AVEN: variants seen among roughly 807,000 people sequenced by gnomAD.
AVEN encodes cell death regulator Aven.
Under a neutral mutation model 38.1 loss-of-function variants are expected in AVEN, and 41 were observed. The ratio of observed to expected loss-of-function variants is 1.08; its 90% confidence interval spans 0.84 to 1.40. The LOEUF (loss-of-function observed/expected upper bound fraction) is 1.40. Ranked by LOEUF, AVEN falls within the 40% of genes most tolerant of loss-of-function variation. The pLI is 0.00. For synonymous variants in AVEN, 206 were observed against 171.8 expected (o/e 1.20, Z -1.56); for missense variants, 605 against 438.8 (o/e 1.38, Z -3.38).
At chr15:34,073,186 G>T (rs1312112439) in intron 1 of AVEN, among the ~76,000 whole-genome samples, 1 of 148,514 alleles carries the variant, frequency 6.7e-6, no homozygotes, top group Non-Finnish European at 1.5e-5. Context: ...GACTACAGGC[G>T]CCCGCCACCT....
downstream of AVEN, among the ~76,000 whole-genome samples, chr15:33,857,060 C>G (rs1011720391): frequency 1.9e-4 from 29 of 152,310 alleles, no homozygotes; most frequent in African/African-American, 6.7e-4. Flanking sequence ...TGTATCCCTC[C>G]TCACAGCACC....
chr15:33,865,450 C>T (rs1037721049), downstream of AVEN: 10 of 480,068 alleles, frequency 2.1e-5, no homozygotes, highest in Admixed American at 1.1e-4. Context: ...AGAAGGAAGG[C>T]GAAGAATCAA....
At chr15:33,882,733 T>G in intron 2 of AVEN, among the ~76,000 whole-genome samples, 1 of 151,754 alleles carries the variant, frequency 6.6e-6, no homozygotes, top group East Asian at 1.9e-4. Flanking sequence ...AGTACCCAGG[T>G]ACAGTGGCCC....
chr15:34,031,198 G>C (rs1184953399), intron 1 of AVEN, among the ~76,000 whole-genome samples: 1 of 61,280 alleles, frequency 1.6e-5, no homozygotes, highest in Admixed American at 2.4e-4. Flanking sequence ...TTTTGAGACT[G>C]AGTTTTGCTC....
intron 2 of AVEN, among the ~76,000 whole-genome samples, chr15:34,001,019 A>ATT (rs562045179): frequency 0.17 from 23,153 of 136,634 alleles, 2,876 homozygotes; most frequent in African/African-American, 0.34. Flanking sequence ...TTGGACTAGA[A>ATT]TTTTTTTTTT....
chr15:33,997,796 T>G lies in AVEN; in HGVS notation c.445+5236A>C, dbSNP rs534719724. Among the ~76,000 whole-genome samples, 3 of 152,320 alleles carry G rather than the reference T, an allele frequency of 2.0e-5. No individual in the cohort carries two copies. The East Asian group carries it at 5.8e-4, about 29-fold the overall frequency. ...TTGCATTTGCTCTGCTAAACTGTAA[T>G]CATGATTAAGTCCTACCCTTCCGTC... On this transcript the variant is annotated intron_variant, in intron 2 of 5. Transcript: ENST00000306730.
chr15:34,073,989 C>CTTTTTTTTTTTTTTTTTTTTTTT (rs5811818), intron 1 of AVEN, among the ~76,000 whole-genome samples: 8 of 31,506 alleles, frequency 2.5e-4, no homozygotes, highest in Non-Finnish European at 3.0e-4. Context: ...TCTTCTTCTT[C>CTTTTTTTTTTTTTTTTTTTTTTT]TTTTTTTTTT....
At position 33,941,739 on chromosome 15, in the gene AVEN, T is replaced by A. The variant is rs574505720; in HGVS notation, c.445+61293A>T. 4.5e-3 allele frequency among the ~76,000 whole-genome samples: 686 copies of A among 151,920 alleles called. 5 individuals carry two copies. Among genetic ancestry groups the A allele is most frequent in the African/African-American group, 0.016 (662 of 41,434 alleles). ...AAAATCTATTAAAAACAAAAAAAAA[T>A]AGAACTTATGGGACAATAGTCTTAC... is the stretch of plus-strand genomic sequence containing the variant. On this transcript the variant is annotated intron_variant, in intron 2 of 5. Transcript: ENST00000306730.
At chr15:33,900,180 C>T (rs1892431226) in intron 2 of AVEN, among the ~76,000 whole-genome samples, 1 of 151,996 alleles carries the variant, frequency 6.6e-6, no homozygotes, top group South Asian at 2.1e-4. Flanking sequence ...GAAATGAGTC[C>T]TTGAAACCCT....
chr15:34,043,710 A>G (rs140955885), upstream of AVEN, among the ~76,000 whole-genome samples: 3 of 152,332 alleles, frequency 2.0e-5, no homozygotes, highest in African/African-American at 4.8e-5. Context: ...AAATGCATGG[A>G]GCAAACTCCC....
intron 2 of AVEN, among the ~76,000 whole-genome samples, chr15:33,879,408 G>T (rs1209887313): frequency 2.6e-5 from 3 of 116,980 alleles, no homozygotes; most frequent in Non-Finnish European, 3.4e-5. Context: ...GTTGTGGGGT[G>T]GGGGGAGGGG....
intron 2 of AVEN, among the ~76,000 whole-genome samples, chr15:33,893,446 C>T (rs111889309): frequency 0.054 from 8,227 of 152,236 alleles, 710 homozygotes; most frequent in African/African-American, 0.18. Context: ...TGGTGGCTCA[C>T]ACCTGTAATC....
rs753785210 is a variant in AVEN, at chr15:34,063,682, A to G, written n.1127-250T>C. The G allele has an allele frequency of 1.9e-6, 3 of 1,614,202 alleles. No homozygotes were observed. The highest frequency in any genetic ancestry group is 1.3e-5 in the African/African-American group (1 of 75,048). On this transcript the variant is annotated intron_variant and non_coding_transcript_variant, in intron 4 of 11. Coordinates refer to the AVEN transcript ENST00000675287. This position sits in a 1 kb window ranked among gnomAD's most constrained non-coding sequence, Gnocchi z 4.1. ...AAGCCCGCCACTGACCCTGTCCTCC[A>G]AGTGGTCTACAAGAGTCAGGGTAAG...
At chr15:33,992,032 A>G (rs919526605) in intron 2 of AVEN, 2 of 152,236 alleles carry the variant, frequency 1.3e-5, no homozygotes, top group African/African-American at 4.8e-5. Flanking sequence ...AAAACACAAA[A>G]TGGCGCTGGA....
In AVEN at chr15:33,876,006, G is replaced by GA. The variant is rs11295548; in HGVS notation, c.446-12dup. 0.051 allele frequency: 53,574 copies of GA among 1,059,998 alleles called. 1 individual carries two copies. The highest frequency in any genetic ancestry group is 0.056 in the Non-Finnish European group (42,449 of 757,064). The allele number at this position is 1,059,998 out of a possible 1,614,324, so 65.7% of individuals were successfully genotyped here. A position where few individuals can be genotyped will look rare whatever the true frequency, so the allele number is the denominator to read the frequency against. On this transcript the variant is annotated splice_polypyrimidine_tract_variant and intron_variant, in intron 2 of 5. Coordinates refer to ENST00000306730, the MANE Select transcript of AVEN (RefSeq NM_020371.3). ...GTGAGAATGAGTCCCCTAGGAATAG[G>GA]AAAAAAAAAAAAATTTATGCAAAAG... is the stretch of plus-strand genomic sequence containing the variant.
intron 1 of AVEN, among the ~76,000 whole-genome samples, chr15:34,071,094 C>T (rs1900615308): frequency 6.6e-6 from 1 of 152,156 alleles, no homozygotes; most frequent in South Asian, 2.1e-4. Context: ...CCTTCATGCT[C>T]CTGCTAAGAG....
intron 5 of AVEN, among the ~76,000 whole-genome samples, chr15:34,050,771 T>C (rs1899901742): frequency 6.6e-6 from 1 of 152,156 alleles, no homozygotes; most frequent in South Asian, 2.1e-4. Context: ...TACATAATGG[T>C]AAAGGGTTCA....
At chr15:33,979,366 G>A (rs593007) in intron 2 of AVEN, among the ~76,000 whole-genome samples, 121,220 of 152,018 alleles carry the variant, frequency 0.8, 54,075 homozygotes, top group Non-Finnish European at 0.98. Flanking sequence ...AAAATTAGCC[G>A]GGCATGCTAG....
chr15:33,857,707 T>C, downstream of AVEN: 2 of 1,573,500 alleles, frequency 1.3e-6, no homozygotes, highest in South Asian at 1.2e-5. Flanking sequence ...CTCGTTTTCT[T>C]AGAGTCTCCT....
Sources: allele counts gnomAD v4.1 joint callset (sites outside exome capture counted in the v4.1 genomes callset), GRCh38; gene constraint gnomAD v4.1.1; non-coding constraint Gnocchi (gnomAD v3.1); transcripts MANE v1.5; gene names NCBI Gene and HGNC (gene_info 2026-07-23, HGNC 2026-07-21).